The following EYA4 variants were observed in gnomAD, a reference collection of about 807,000 sequenced individuals.
The protein encoded by EYA4 is protein phosphatase EYA4.
Under a neutral mutation model 87.9 loss-of-function variants are expected in EYA4, and 31 were observed. That is an observed-to-expected ratio of 0.35 (90% confidence interval 0.27 to 0.48). The LOEUF (loss-of-function observed/expected upper bound fraction) is 0.48. EYA4 is among the 20% of genes least tolerant of loss of function. The pLI is 0.99. For missense variants in EYA4, 678 were observed against 761.4 expected, an observed-to-expected ratio of 0.89 and a Z score of 1.29; for synonymous variants, 263 against 270.6, an observed-to-expected ratio of 0.97 and a Z score of 0.28.
intron 2 of EYA4, among the ~76,000 whole-genome samples, chr6:133,349,833 C>T (rs1037624603): frequency 1.3e-5 from 2 of 152,004 alleles, no homozygotes; most frequent in Non-Finnish European, 2.9e-5. Flanking sequence ...TATCGATTTC[C>T]AATTCAAAAT....
At chr6:133,274,173 A>G (rs995504313) in intron 1 of EYA4, among the ~76,000 whole-genome samples, 3 of 152,106 alleles carry the variant, frequency 2.0e-5, no homozygotes, top group Admixed American at 1.3e-4. Flanking sequence ...TCCCATGTTT[A>G]TTTGTAATAC....
chr6:133,323,849 G>A (rs957774154), intron 2 of EYA4, among the ~76,000 whole-genome samples: 1 of 152,008 alleles, frequency 6.6e-6, no homozygotes, highest in Non-Finnish European at 1.5e-5. Context: ...TACAAGATAC[G>A]CCTCAAGGAA....
At chr6:133,417,851 C>T (rs191807362) in intron 3 of EYA4, among the ~76,000 whole-genome samples, 2 of 152,250 alleles carry the variant, frequency 1.3e-5, no homozygotes, top group Admixed American at 6.5e-5. Context: ...AGACAAGTTT[C>T]TTAATTAAAA....
intron 2 of EYA4, among the ~76,000 whole-genome samples, chr6:133,276,479 G>T (rs537485814): frequency 6.6e-6 from 1 of 152,096 alleles, no homozygotes; most frequent in Non-Finnish European, 1.5e-5. Context: ...CTAAAGATGC[G>T]TCATATCACC....
chr6:133,474,561 G>A (rs1795558138), intron 11 of EYA4, among the ~76,000 whole-genome samples: 1 of 152,016 alleles, frequency 6.6e-6, no homozygotes, highest in South Asian at 2.1e-4. Flanking sequence ...ACTGTCTGTT[G>A]AATTTAAAGA....
chr6:133,283,318 A>C (rs1023351191), intron 2 of EYA4, among the ~76,000 whole-genome samples: 3 of 151,972 alleles, frequency 2.0e-5, no homozygotes, highest in Non-Finnish European at 4.4e-5. Context: ...TAATATAAAA[A>C]ATAAAATGAA....
intron 2 of EYA4, among the ~76,000 whole-genome samples, chr6:133,328,820 C>A (rs1034828756): frequency 2.0e-5 from 3 of 151,988 alleles, no homozygotes; most frequent in African/African-American, 7.2e-5. Context: ...CACAGGTTTG[C>A]AGAAGATACT....
chr6:133,530,578 A>G lies in EYA4; in HGVS notation c.*1773A>G, dbSNP rs1235959906. The G allele has an allele frequency of 6.1e-6, 6 of 985,778 alleles. No individual in the cohort carries two copies. Among genetic ancestry groups the G allele is most frequent in the African/African-American group, 1.7e-5 (1 of 57,236 alleles). The allele number at this position is 985,778 out of a possible 1,614,324, so 61.1% of individuals were successfully genotyped here. A position where few individuals can be genotyped will look rare whatever the true frequency, so the allele number is the denominator to read the frequency against. On this transcript the variant is annotated 3_prime_UTR_variant, in exon 20 of 20. Coordinates refer to ENST00000355286, the MANE Select transcript of EYA4 (RefSeq NM_004100.5). ...ATCAACTGAGGCCTCTGTGGCTTCA[A>G]TAAAGTCTACATTTTGCTCACAGAT...
intron 3 of EYA4, among the ~76,000 whole-genome samples, chr6:133,423,931 A>C (rs1790431744): frequency 6.6e-6 from 1 of 152,196 alleles, no homozygotes; most frequent in Non-Finnish European, 1.5e-5. Context: ...GTGAAGAGTG[A>C]ACAAGATAAA....
intron 7 of EYA4, 54 bp from the exon 8 acceptor site, chr6:133,462,281 T>C: frequency 6.3e-7 from 1 of 1,592,974 alleles, no homozygotes; most frequent in East Asian, 2.2e-5. Flanking sequence ...CTAGGCTGTC[T>C]AAATTAATAC....
chr6:133,374,149 G>A (rs767282868), intron 2 of EYA4, among the ~76,000 whole-genome samples: 1 of 152,058 alleles, frequency 6.6e-6, no homozygotes, highest in Non-Finnish European at 1.5e-5. Flanking sequence ...CTTACATACT[G>A]TACATAAATA....
chr6:133,509,437 C>T (rs962807733), intron 14 of EYA4, among the ~76,000 whole-genome samples: 1 of 151,524 alleles, frequency 6.6e-6, no homozygotes, highest in Non-Finnish European at 1.5e-5. Flanking sequence ...TAATTTGACA[C>T]TCCATTCTTT....
At chr6:133,240,666 C>G (rs911355094), upstream of EYA4, 1 of 152,332 alleles carries the variant, frequency 6.6e-6, no homozygotes, top group Non-Finnish European at 1.5e-5. Context: ...TGGAAGGGGC[C>G]CAGGCCCTTC....
intron 2 of EYA4, among the ~76,000 whole-genome samples, chr6:133,349,264 C>T (rs1783450148): frequency 6.6e-6 from 1 of 152,152 alleles, no homozygotes; most frequent in Admixed American, 6.5e-5. Flanking sequence ...TCCTTACTTG[C>T]TTTACTTTGC....
intron 3 of EYA4, 42 bp from the exon 4 acceptor site, chr6:133,446,588 G>T: frequency 1.2e-6 from 2 of 1,611,906 alleles, no homozygotes; most frequent in Non-Finnish European, 1.7e-6. Context: ...AAAAATAACT[G>T]CTGCAATTTC....
At chr6:133,326,593 C>T (rs918322442) in intron 2 of EYA4, among the ~76,000 whole-genome samples, 4 of 152,170 alleles carry the variant, frequency 2.6e-5, no homozygotes, top group Admixed American at 6.5e-5. Flanking sequence ...ATTGTTGACA[C>T]CCACATCTGG....
intron 7 of EYA4, 101 bp downstream of exon 7, chr6:133,461,281 T>A: frequency 1.1e-6 from 1 of 871,034 alleles, no homozygotes; most frequent in Admixed American, 1.7e-5. Flanking sequence ...CATATATAGA[T>A]AAATATCCTG....
intron 13 of EYA4, among the ~76,000 whole-genome samples, chr6:133,498,607 G>A (rs1225212397): frequency 6.6e-6 from 1 of 152,178 alleles, no homozygotes; most frequent in Non-Finnish European, 1.5e-5. Flanking sequence ...GGTGACTAGA[G>A]AGTGGTTTTG....
chr6:133,341,231 G>T (rs1335323708), intron 2 of EYA4, among the ~76,000 whole-genome samples: 1 of 152,160 alleles, frequency 6.6e-6, no homozygotes, highest in Non-Finnish European at 1.5e-5. Flanking sequence ...GGTTAAAGTA[G>T]AAAGAATAGT....
Sources: allele counts gnomAD v4.1 joint callset (sites outside exome capture counted in the v4.1 genomes callset), GRCh38; gene constraint gnomAD v4.1.1; transcripts MANE v1.5; gene names NCBI Gene and HGNC (gene_info 2026-07-23, HGNC 2026-07-21).